Variants in GRID2 observed in about 807,000 individuals in gnomAD.
GRID2 encodes the protein glutamate receptor ionotropic, delta-2.
In GRID2, 33 loss-of-function variants were observed where a neutral mutation model predicts 114.8. That is an observed-to-expected ratio of 0.29 (90% CI 0.22 to 0.38). GRID2 has a LOEUF of 0.38. Ranked by LOEUF, GRID2 falls within the 10% of genes least tolerant of loss-of-function variation. The probability of loss-of-function intolerance (pLI) is 1.00; values close to 1 mark genes in which losing one functional copy is unlikely to be tolerated. For synonymous variants in GRID2, 505 were observed against 449.9 expected, an observed-to-expected ratio of 1.12 and a Z score of -1.55; for missense variants, 1,184 against 1,257.7, an observed-to-expected ratio of 0.94 and a Z score of 0.89.
chr4:93,299,957 C>T (rs550464126), intron 8 of GRID2, among the ~76,000 whole-genome samples: 177 of 152,268 alleles, frequency 1.2e-3, no homozygotes, highest in African/African-American at 3.6e-3. Context: ...TCTGCAAATA[C>T]CCAAATCTGC....
chr4:93,803,947 GTGTGGCGCTTCC>G (rs1734983785), intron 1 of GRID2, among the ~76,000 whole-genome samples: 1 of 152,152 alleles, frequency 6.6e-6, no homozygotes, highest in Non-Finnish European at 1.5e-5. Flanking sequence ...ATTGCCAGGT[GTGTGGCGCTTCC>G]TGGCTGCACA....
rs1185405521 is a variant in GRID2 at position 93,163,388 on chromosome 4, ATATATATATATACACTAT to A, written c.736-44015_736-43998del. Among the ~76,000 whole-genome samples the A allele has an allele frequency of 7.4e-4, 34 of 46,164 alleles. 1 individual carries two copies. The highest frequency in any genetic ancestry group is 2.3e-3 in the African/African-American group (30 of 12,970). 30.3% of individuals were successfully genotyped at this position (46,164 alleles called of 152,430 possible). A position where few individuals can be genotyped will look rare whatever the true frequency, so the allele number is the denominator to read the frequency against. On this transcript the variant is annotated intron_variant, in intron 4 of 15. Transcript: ENST00000282020. ...TATATATATATATATATATATATAT[ATATATATATATACACTAT>A]ATATATACATACATGTATATTTTCT...
Position 92,956,422 on chromosome 4 carries a change from C to CT in GRID2, c.245-128571dup, listed in dbSNP as rs149532280. On this transcript the variant is annotated intron_variant, in intron 2 of 15. Coordinates refer to ENST00000282020, the MANE Select transcript of GRID2 (RefSeq NM_001510.4). The stretch of plus-strand genomic sequence containing the variant: ...ATCCCTAACCCTTGAAACGACTAGC[C>CT]TTACTGTATCCACAGTTTCACCTCT... Among the ~76,000 whole-genome samples, 414 of 152,298 alleles carry CT rather than the reference C, an allele frequency of 2.7e-3. 1 individual carries two copies. Among genetic ancestry groups the CT allele is most frequent in the African/African-American group, 9.6e-3 (398 of 41,574 alleles).
At chr4:92,939,288 T>A (rs563773494) in intron 2 of GRID2, among the ~76,000 whole-genome samples, 2 of 147,642 alleles carry the variant, frequency 1.4e-5, no homozygotes, top group Middle Eastern at 7.1e-3. Context: ...CTCATTGTGG[T>A]TTTGATTTGC....
At chr4:93,742,921 G>A (rs1731541432) in intron 14 of GRID2, among the ~76,000 whole-genome samples, 1 of 152,272 alleles carries the variant, frequency 6.6e-6, no homozygotes, top group South Asian at 2.1e-4. Flanking sequence ...CTCTTGAATC[G>A]AAAACTAGAA....
At chr4:93,094,349 C>G (rs1309027444) in intron 3 of GRID2, among the ~76,000 whole-genome samples, 1 of 151,702 alleles carries the variant, frequency 6.6e-6, no homozygotes, top group East Asian at 1.9e-4. Flanking sequence ...TTTAAGGACA[C>G]CTGGAAAATT....
At chr4:92,653,648 G>A (rs72661999) in intron 2 of GRID2, among the ~76,000 whole-genome samples, 2,847 of 152,086 alleles carry the variant, frequency 0.019, 51 homozygotes, top group Middle Eastern at 0.034. Flanking sequence ...TGATTTTAAT[G>A]AGGACCTATT....
chr4:92,883,990 T>C (rs1407330320), intron 2 of GRID2, among the ~76,000 whole-genome samples: 1 of 152,216 alleles, frequency 6.6e-6, no homozygotes, highest in African/African-American at 2.4e-5. Flanking sequence ...AGCCAGGCAT[T>C]GACTTCTCCT....
chr4:93,265,423 G>T (rs1342762832), intron 8 of GRID2, among the ~76,000 whole-genome samples: 1 of 152,112 alleles, frequency 6.6e-6, no homozygotes, highest in Non-Finnish European at 1.5e-5. Context: ...AGTGGAAAAT[G>T]ATTAATTTAG....
chr4:93,533,245 TCTTC>T (rs755045834), intron 13 of GRID2, among the ~76,000 whole-genome samples: 9,307 of 105,294 alleles, frequency 0.088, 477 homozygotes, highest in African/African-American at 0.11. Flanking sequence ...TTTCTTTCTC[TCTTC>T]CTTCCTTCCT....
intron 2 of GRID2, among the ~76,000 whole-genome samples, chr4:92,678,038 C>A (rs1198180857): frequency 1.3e-5 from 2 of 152,072 alleles, no homozygotes; most frequent in African/African-American, 4.8e-5. Context: ...ACCTTAGGGG[C>A]TTTGCACTCA....
intron 11 of GRID2, among the ~76,000 whole-genome samples, chr4:93,464,730 C>A (rs897412103): frequency 2.6e-5 from 4 of 151,918 alleles, no homozygotes; most frequent in Non-Finnish European, 4.4e-5. Flanking sequence ...AAATGCATGA[C>A]CCACCAATGC....
chr4:92,904,179 ATAT>A (rs746039022), intron 2 of GRID2, among the ~76,000 whole-genome samples: 18 of 151,620 alleles, frequency 1.2e-4, no homozygotes, highest in Non-Finnish European at 8.9e-5. Context: ...ATTGAATATA[ATAT>A]TAATGTATGG....
intron 2 of GRID2, among the ~76,000 whole-genome samples, chr4:92,893,602 C>G (rs1024631565): frequency 6.6e-6 from 1 of 151,764 alleles, no homozygotes; most frequent in South Asian, 2.1e-4. Context: ...TTTTTTTTTC[C>G]TCTTAATCTT....
intron 14 of GRID2, among the ~76,000 whole-genome samples, chr4:93,637,486 A>G (rs770756361): frequency 7.9e-5 from 12 of 152,296 alleles, no homozygotes; most frequent in Non-Finnish European, 1.8e-4. Context: ...CTGGAAAAGG[A>G]TAATAAGGAT....
chr4:92,837,632 C>G (rs1420829124), intron 2 of GRID2, among the ~76,000 whole-genome samples: 1 of 151,766 alleles, frequency 6.6e-6, no homozygotes, highest in Non-Finnish European at 1.5e-5. Flanking sequence ...CAGAAATGGC[C>G]AAAGGTATTT....
At chr4:93,249,058 T>C (rs1313659729) in intron 8 of GRID2, among the ~76,000 whole-genome samples, 1 of 152,086 alleles carries the variant, frequency 6.6e-6, no homozygotes, top group Non-Finnish European at 1.5e-5. Context: ...TCTTTCCCAT[T>C]TTAAGAATTC....
At chr4:92,620,646 T>C (rs1003276187) in intron 2 of GRID2, among the ~76,000 whole-genome samples, 4 of 151,710 alleles carry the variant, frequency 2.6e-5, no homozygotes, top group African/African-American at 9.7e-5. Flanking sequence ...GAGTTTTATG[T>C]AAATTATTAG....
At chr4:92,860,705 C>G (rs940103058) in intron 2 of GRID2, among the ~76,000 whole-genome samples, 5 of 152,026 alleles carry the variant, frequency 3.3e-5, no homozygotes, top group African/African-American at 1.2e-4. Flanking sequence ...ATTCGGTCAA[C>G]AAGTATGTAA....
Sources: allele counts gnomAD v4.1 joint callset (sites outside exome capture counted in the v4.1 genomes callset), GRCh38; gene constraint gnomAD v4.1.1; transcripts MANE v1.5; gene names NCBI Gene and HGNC (gene_info 2026-07-23, HGNC 2026-07-21).